The following FREM1 variants were observed in gnomAD, a reference collection of about 807,000 sequenced individuals.
FREM1 encodes FRAS1-related extracellular matrix protein 1.
In FREM1, 220 loss-of-function variants were observed where a neutral mutation model predicts 210.1. That is an observed-to-expected ratio of 1.05 (90% confidence interval 0.94 to 1.17). The LOEUF is 1.17. Among genes scored for constraint, FREM1 ranks in the 50% most tolerant of loss-of-function variants. The pLI is 0.00. For missense variants in FREM1, 3,454 were observed against 2,675.5 expected (o/e 1.29, Z -6.42); for synonymous variants, 1,189 against 980.2 (o/e 1.21, Z -3.98).
chr9:14,879,737 C>A (rs72713614), intron 1 of FREM1, among the ~76,000 whole-genome samples: 2,795 of 152,264 alleles, frequency 0.018, 41 homozygotes, highest in South Asian at 0.032. Context: ...AAGCATGCTT[C>A]CATTCGGTAA....
intron 8 of FREM1, among the ~76,000 whole-genome samples, chr9:14,844,779 T>C (rs10810269): frequency 0.058 from 8,811 of 152,250 alleles, 453 homozygotes; most frequent in East Asian, 0.25. Context: ...TAAGTGGAAA[T>C]TGTTGTATTG....
At chr9:14,807,518 A>G (rs745865745) in intron 17 of FREM1, among the ~76,000 whole-genome samples, 3 of 152,158 alleles carry the variant, frequency 2.0e-5, no homozygotes, top group African/African-American at 7.2e-5. Context: ...ATGTATATAA[A>G]TGGTCTCTCC....
chr9:14,816,075 T>C (rs7853881), intron 15 of FREM1, among the ~76,000 whole-genome samples: 2,452 of 152,304 alleles, frequency 0.016, 55 homozygotes, highest in African/African-American at 0.056. Flanking sequence ...CATGGCTTTA[T>C]CTGTAAACAG....
intron 1 of FREM1, among the ~76,000 whole-genome samples, chr9:14,908,343 C>A (rs868197251): frequency 1.3e-5 from 2 of 152,298 alleles, no homozygotes; most frequent in East Asian, 3.9e-4. Flanking sequence ...CGCCCAACCC[C>A]TACAGCCCAG....
intron 1 of FREM1, among the ~76,000 whole-genome samples, chr9:14,875,842 G>C (rs992389067): frequency 1.1e-4 from 16 of 152,178 alleles, no homozygotes; most frequent in Non-Finnish European, 1.3e-4. Flanking sequence ...GTGATTTACA[G>C]ATGGGTTTTT....
At chr9:14,890,649 C>T (rs1255304884) in intron 1 of FREM1, among the ~76,000 whole-genome samples, 1 of 152,194 alleles carries the variant, frequency 6.6e-6, no homozygotes, top group Non-Finnish European at 1.5e-5. Flanking sequence ...TAAAACATTT[C>T]TGGCCATGCC....
chr9:14,906,420 G>C (rs781143391), intron 1 of FREM1, among the ~76,000 whole-genome samples: 28 of 152,146 alleles, frequency 1.8e-4, no homozygotes, highest in Non-Finnish European at 3.5e-4. Flanking sequence ...ATAATAAAAA[G>C]GGACATTTAT....
chr9:14,864,355 C>G (rs1452928243), intron 2 of FREM1, among the ~76,000 whole-genome samples: 1 of 152,142 alleles, frequency 6.6e-6, no homozygotes, highest in Non-Finnish European at 1.5e-5. Context: ...TATCTGTGTT[C>G]TCCTTTCATT....
chr9:14,869,509 C>G (rs938966776), intron 1 of FREM1, among the ~76,000 whole-genome samples: 1 of 152,214 alleles, frequency 6.6e-6, no homozygotes, highest in Non-Finnish European at 1.5e-5. Context: ...ACTGTGTGGT[C>G]CAGGAGGAAA....
At chr9:14,786,089 G>A (rs1850383665) in intron 23 of FREM1, among the ~76,000 whole-genome samples, 2 of 152,090 alleles carry the variant, frequency 1.3e-5, no homozygotes, top group Non-Finnish European at 2.9e-5. Context: ...TCTATGTCAG[G>A]TACAGAACTA....
rs768772560 is a variant in FREM1 at position 14,784,544 on chromosome 9, G to T, written c.4268C>A (p.Thr1423Lys). Residue 1423 changes from threonine (T) to lysine (K), a missense_variant, in exon 24 of 37, where the codon ACA becomes AAA. Transcript: ENST00000380880. The part of the protein sequence containing the change: ...TTTTLLAVDG[T>K]DKPEELLYVI... ...ATAGAGCAGTTCCTCAGGCTTGTCT[G>T]TTCCGTCCACAGCCAGGAGCGTGGT... 1 of 1,613,600 alleles carries T rather than the reference G, an allele frequency of 6.2e-7. No individual in the cohort carries two copies. The highest frequency in any genetic ancestry group is 8.5e-7 in the Non-Finnish European group (1 of 1,179,744).
intron 10 of FREM1, among the ~76,000 whole-genome samples, chr9:14,835,376 A>G (rs1824364727): frequency 6.6e-6 from 1 of 152,214 alleles, no homozygotes; most frequent in Non-Finnish European, 1.5e-5. Flanking sequence ...TCAGTGCAAT[A>G]AGAATCAATT....
chr9:14,839,871 T>G (rs1212882913), intron 10 of FREM1, among the ~76,000 whole-genome samples: 1 of 152,242 alleles, frequency 6.6e-6, no homozygotes, highest in Non-Finnish European at 1.5e-5. Flanking sequence ...TATTAACTGT[T>G]ACCTTTTTGA....
At chr9:14,876,598 A>C (rs1215519733) in intron 1 of FREM1, among the ~76,000 whole-genome samples, 1 of 152,128 alleles carries the variant, frequency 6.6e-6, no homozygotes, top group Non-Finnish European at 1.5e-5. Flanking sequence ...TTCTTTGACT[A>C]GGAAAGGGAA....
intron 22 of FREM1, chr9:14,791,299 G>A (rs1851268609): frequency 6.6e-6 from 1 of 152,168 alleles, no homozygotes; most frequent in Admixed American, 6.5e-5. Context: ...CACAGAGCAA[G>A]CTATTGAGTT....
At chr9:14,862,568 G>A (rs1564112096) in intron 3 of FREM1, among the ~76,000 whole-genome samples, 1 of 152,084 alleles carries the variant, frequency 6.6e-6, no homozygotes, top group Non-Finnish European at 1.5e-5. Context: ...GTTTTTTAGT[G>A]TAGTCCCAAG....
At chr9:14,882,911 T>A (rs1406211366) in intron 1 of FREM1, among the ~76,000 whole-genome samples, 1 of 348 alleles carries the variant, frequency 2.9e-3, no homozygotes, top group Admixed American at 0.033. Flanking sequence ...AGACTCCATC[T>A]CAAAAAAAAA....
At chr9:14,862,981 A>G (rs1297141180) in intron 3 of FREM1, among the ~76,000 whole-genome samples, 1 of 152,062 alleles carries the variant, frequency 6.6e-6, no homozygotes, top group Non-Finnish European at 1.5e-5. Context: ...TTTTTCTTAT[A>G]TATATGCGTA....
intron 2 of FREM1, 149 bp downstream of exon 2, chr9:14,868,595 G>C: frequency 1.6e-6 from 1 of 620,800 alleles, no homozygotes; most frequent in Non-Finnish European, 2.9e-6. Flanking sequence ...CTAATTGCAA[G>C]TCCACCATTT....
Sources: allele counts gnomAD v4.1 joint callset (sites outside exome capture counted in the v4.1 genomes callset), GRCh38; gene constraint gnomAD v4.1.1; transcripts MANE v1.5; gene names NCBI Gene and HGNC (gene_info 2026-07-23, HGNC 2026-07-21).